GTF2F2: variants seen among roughly 807,000 people sequenced by gnomAD.
GTF2F2 encodes ATP-dependent helicase GTF2F2.
GTF2F2 carries 23 observed loss-of-function variants against 42.2 expected under a neutral mutation model. The ratio of observed to expected loss-of-function variants is 0.55; its 90% CI spans 0.39 to 0.77. The LOEUF is 0.77. Among genes scored for constraint, GTF2F2 ranks in the 30% least tolerant of loss-of-function variants. GTF2F2 has a pLI of 0.00. For synonymous variants in GTF2F2, 105 were observed against 100.8 expected, an observed-to-expected ratio of 1.04 and a Z score of -0.25; for missense variants, 261 against 287.2, an observed-to-expected ratio of 0.91 and a Z score of 0.66.
At chr13:45,127,883 A>G (rs1869110295) in intron 1 of GTF2F2, among the ~76,000 whole-genome samples, 1 of 131,724 alleles carries the variant, frequency 7.6e-6, no homozygotes, top group Non-Finnish European at 1.6e-5. Flanking sequence ...TGCCCGCCTC[A>G]GCCTCCCAAA....
chr13:45,202,075 A>G (rs764599313), intron 4 of GTF2F2, among the ~76,000 whole-genome samples: 24 of 151,970 alleles, frequency 1.6e-4, no homozygotes, highest in Non-Finnish European at 2.9e-4. Flanking sequence ...GGTCCAGCAC[A>G]ATCATTGCTT....
At chr13:45,274,654 G>A (rs189298802) in intron 7 of GTF2F2, among the ~76,000 whole-genome samples, 15 of 152,164 alleles carry the variant, frequency 9.9e-5, no homozygotes, top group Admixed American at 7.9e-4. Context: ...AAAGTGTGTA[G>A]TTCAGGCCAG....
At chr13:45,192,379 A>C (rs1042696818) in intron 4 of GTF2F2, among the ~76,000 whole-genome samples, 12 of 152,212 alleles carry the variant, frequency 7.9e-5, no homozygotes, top group Non-Finnish European at 1.5e-4. Context: ...AGTCAGTTAT[A>C]GTTCTGGAAA....
chr13:45,225,787 T>C (rs1474535237), intron 5 of GTF2F2, among the ~76,000 whole-genome samples: 2 of 152,170 alleles, frequency 1.3e-5, no homozygotes, highest in African/African-American at 4.8e-5. Flanking sequence ...AGCTATATCT[T>C]GATATTTTGC....
chr13:45,225,994 A>G (rs1034859880), intron 5 of GTF2F2, among the ~76,000 whole-genome samples: 4 of 152,152 alleles, frequency 2.6e-5, no homozygotes, highest in Admixed American at 2.6e-4. Context: ...TGGAATTAGG[A>G]AAAATGCATC....
intron 4 of GTF2F2, among the ~76,000 whole-genome samples, chr13:45,153,399 A>C (rs1382649732): frequency 6.6e-6 from 1 of 152,154 alleles, no homozygotes; most frequent in African/African-American, 2.4e-5. Context: ...TTGGATGTAC[A>C]GTATAACAGA....
chr13:45,273,717 C>T (rs1054136439), intron 7 of GTF2F2, among the ~76,000 whole-genome samples: 9 of 137,756 alleles, frequency 6.5e-5, no homozygotes, highest in East Asian at 6.1e-4. Context: ...TGCAATGGCG[C>T]GATCTCGGCT....
chr13:45,182,372 CA>C (rs1235548419), intron 4 of GTF2F2, among the ~76,000 whole-genome samples: 2 of 152,054 alleles, frequency 1.3e-5, no homozygotes, highest in African/African-American at 4.8e-5. Context: ...GCTGGGATTA[CA>C]GGTATGAATC....
chr13:45,181,195 A>AC (rs1566125560), intron 4 of GTF2F2, among the ~76,000 whole-genome samples: 19 of 150,910 alleles, frequency 1.3e-4, no homozygotes, highest in African/African-American at 4.6e-4. Context: ...CAAACAAAAA[A>AC]AAAAAAAACC....
rs111918528 is a variant in GTF2F2, at chr13:45,202,541, C to T, written c.305-4883C>T. ...TATTCAACTTGACAGAAGAATCCTA[C>T]AGCACATATGGAATAACCAGTAATT... On this transcript the variant is annotated intron_variant, in intron 4 of 7. Coordinates refer to ENST00000340473, the MANE Select transcript of GTF2F2 (RefSeq NM_004128.3). Among the ~76,000 whole-genome samples the T allele has an allele frequency of 2.2e-3, 331 of 152,282 alleles. 3 individuals are homozygous for T. The highest frequency in any genetic ancestry group is 7.6e-3 in the African/African-American group (316 of 41,568).
chr13:45,184,632 A>G (rs1279825026), intron 4 of GTF2F2, among the ~76,000 whole-genome samples: 3 of 152,008 alleles, frequency 2.0e-5, no homozygotes, highest in Non-Finnish European at 4.4e-5. Context: ...TTTGATGCAT[A>G]TTCATTTTTA....
intron 5 of GTF2F2, among the ~76,000 whole-genome samples, chr13:45,225,090 A>G (rs937656893): frequency 3.3e-5 from 5 of 152,238 alleles, no homozygotes; most frequent in African/African-American, 1.2e-4. Flanking sequence ...TTTTGACTCA[A>G]CAGGTCTGAG....
chr13:45,123,820 C>T (rs1352120480), intron 1 of GTF2F2, among the ~76,000 whole-genome samples: 7 of 140,832 alleles, frequency 5.0e-5, no homozygotes, highest in Non-Finnish European at 1.1e-4. Context: ...TGGCTGAGCA[C>T]AGGGGACTTT....
chr13:45,121,238 G>A (rs1380917532), intron 1 of GTF2F2, among the ~76,000 whole-genome samples: 1 of 152,172 alleles, frequency 6.6e-6, no homozygotes, highest in Admixed American at 6.5e-5. Flanking sequence ...AGAGGTCATT[G>A]GACTGGAGTA....
At chr13:45,214,779 A>G (rs1566137950) in intron 5 of GTF2F2, among the ~76,000 whole-genome samples, 3 of 151,952 alleles carry the variant, frequency 2.0e-5, no homozygotes, top group Non-Finnish European at 1.5e-5. Context: ...TTATGTGCCC[A>G]CTCTATAATT....
At chr13:45,186,788 C>G (rs994565051) in intron 4 of GTF2F2, among the ~76,000 whole-genome samples, 1 of 151,912 alleles carries the variant, frequency 6.6e-6, no homozygotes, top group Admixed American at 6.6e-5. Context: ...CCTGTTTTAA[C>G]GAGGCAAAAA....
At chr13:45,130,200 C>T (rs766916275) in intron 1 of GTF2F2, among the ~76,000 whole-genome samples, 1 of 152,102 alleles carries the variant, frequency 6.6e-6, no homozygotes, top group African/African-American at 2.4e-5. Flanking sequence ...ACTGTGGAGT[C>T]GACTGCTTAG....
At chr13:45,212,463 C>CT (rs376424917) in intron 5 of GTF2F2, among the ~76,000 whole-genome samples, 9,796 of 27,194 alleles carry the variant, frequency 0.36, 1,013 homozygotes, top group South Asian at 0.38. Flanking sequence ...TTCTTTCTTT[C>CT]TTTCTTTCTT....
chr13:45,124,958 A>G (rs2008678), intron 1 of GTF2F2, among the ~76,000 whole-genome samples: 54,502 of 152,086 alleles, frequency 0.36, 13,544 homozygotes, highest in African/African-American at 0.71. Flanking sequence ...GGGATTATAG[A>G]TGTGAGCCAC....
Sources: allele counts gnomAD v4.1 joint callset (sites outside exome capture counted in the v4.1 genomes callset), GRCh38; gene constraint gnomAD v4.1.1; transcripts MANE v1.5; gene names NCBI Gene and HGNC (gene_info 2026-07-23, HGNC 2026-07-21).